The following PAK3 variants were observed in gnomAD, a reference collection of about 807,000 sequenced individuals.
PAK3 encodes serine/threonine-protein kinase PAK 3.
In PAK3, 4 loss-of-function variants were observed where a neutral mutation model predicts 41.0. That is an observed-to-expected ratio of 0.10 (90% confidence interval 0.05 to 0.22). The LOEUF (loss-of-function observed/expected upper bound fraction) is 0.22. Among genes scored for constraint, PAK3 ranks in the 10% least tolerant of loss-of-function variants. PAK3 has a pLI of 1.00. For synonymous variants in PAK3, 146 were observed against 139.6 expected (o/e 1.05, Z -0.32); for missense variants, 205 against 409.9 (o/e 0.50, Z 4.32).
upstream of PAK3, among the ~76,000 whole-genome samples, chrX:111,094,644 C>A (rs2092955122): frequency 9.4e-6 from 1 of 106,322 alleles, no homozygotes; most frequent in Non-Finnish European, 1.9e-5. Context: ...CATTCTTCAA[C>A]TGCCTGAGAT....
chrX:111,209,130 G>T (rs768896990), intron 16 of PAK3, among the ~76,000 whole-genome samples: 1 of 111,362 alleles, frequency 9.0e-6, no homozygotes, highest in East Asian at 2.8e-4. Context: ...TATACACAGT[G>T]TGCTTCACTC....
intron 1 of PAK3, among the ~76,000 whole-genome samples, chrX:111,082,403 C>T (rs2092842221): frequency 9.0e-6 from 1 of 111,729 alleles, no homozygotes; most frequent in African/African-American, 3.3e-5. Flanking sequence ...AAACTTGAGG[C>T]CTAACACTTT....
chrX:111,163,782 T>C, intron 10 of PAK3, 55 bp downstream of exon 10: 1 of 947,838 alleles, frequency 1.1e-6, no homozygotes, highest in Non-Finnish European at 1.5e-6. Flanking sequence ...TCATAAGCCA[T>C]TTAAAATGGG....
Position 111,019,231 on chromosome X carries a change from A to T in PAK3, c.-28+74603A>T, listed in dbSNP as rs2092135843. On this transcript the variant is annotated intron_variant, in intron 1 of 14. Coordinates refer to the PAK3 transcript ENST00000425146. ...CATCAAAAGCATAGGCAACAAAAAA[A>T]TGGATAAGTTGGATGTCATTAAAAT... Among the ~76,000 whole-genome samples, 3 of 111,745 alleles carry T rather than the reference A, an allele frequency of 2.7e-5. No homozygotes were observed. In the South Asian group the frequency reaches 1.1e-3, roughly 43 times the overall value.
At chrX:111,135,650 A>G (rs1480227345) in intron 5 of PAK3, among the ~76,000 whole-genome samples, 1 of 111,637 alleles carries the variant, frequency 9.0e-6, no homozygotes, top group African/African-American at 3.3e-5. Context: ...GTTAGCTTCA[A>G]GAAGTTCGTG....
At chrX:111,032,109 A>G (rs1186053537) in intron 1 of PAK3, among the ~76,000 whole-genome samples, 2 of 112,017 alleles carry the variant, frequency 1.8e-5, no homozygotes, top group Non-Finnish European at 3.8e-5. Context: ...ATTTAAAGAC[A>G]CTGTTTTGAG....
chrX:111,005,304 T>A (rs2091906294), intron 1 of PAK3, among the ~76,000 whole-genome samples: 1 of 111,509 alleles, frequency 9.0e-6, no homozygotes, highest in Non-Finnish European at 1.9e-5. Flanking sequence ...CCCAACAGAC[T>A]GAATGTCATG....
chrX:111,215,621 C>T (rs2094871368), intron 16 of PAK3, among the ~76,000 whole-genome samples: 1 of 112,205 alleles, frequency 8.9e-6, no homozygotes, highest in African/African-American at 3.2e-5. Flanking sequence ...AGACTAGAGA[C>T]ATTGATTCTC....
intron 1 of PAK3, among the ~76,000 whole-genome samples, chrX:111,076,514 A>T (rs2092787158): frequency 8.9e-6 from 1 of 111,850 alleles, no homozygotes; most frequent in Non-Finnish European, 1.9e-5. Context: ...CCATGATTGT[A>T]AGCTTCCTGA....
intron 1 of PAK3, among the ~76,000 whole-genome samples, chrX:110,993,505 C>T (rs2091686289): frequency 9.0e-6 from 1 of 111,675 alleles, no homozygotes; most frequent in Non-Finnish European, 1.9e-5. Context: ...TCTGTATCAC[C>T]TAAGTTATTA....
chrX:111,172,843 T>G (rs887278990), intron 10 of PAK3, among the ~76,000 whole-genome samples, 175 bp from the exon 11 acceptor site: 3 of 111,596 alleles, frequency 2.7e-5, no homozygotes, highest in Non-Finnish European at 5.7e-5. Flanking sequence ...GTATCATTTT[T>G]ATGTAAATTA....
chrX:111,086,996 T>C (rs1489631941), intron 1 of PAK3, among the ~76,000 whole-genome samples: 2 of 111,126 alleles, frequency 1.8e-5, no homozygotes, highest in Non-Finnish European at 3.8e-5. Context: ...CGTACTCTCC[T>C]AGCAGGCTGT....
chrX:111,130,212 T>C (rs2093698891), intron 5 of PAK3, among the ~76,000 whole-genome samples: 1 of 111,867 alleles, frequency 8.9e-6, no homozygotes, highest in African/African-American at 3.2e-5. Context: ...GCTAGCTGTT[T>C]GCATGTGTGA....
At chrX:111,161,125 C>T (rs1286686250) in intron 8 of PAK3, among the ~76,000 whole-genome samples, 2 of 111,533 alleles carry the variant, frequency 1.8e-5, no homozygotes, top group African/African-American at 6.5e-5. Context: ...TCTCCAGCAC[C>T]TGTTGTTTCC....
intron 1 of PAK3, among the ~76,000 whole-genome samples, chrX:110,977,717 A>G: frequency 8.9e-6 from 1 of 112,094 alleles, no homozygotes; most frequent in Non-Finnish European, 1.9e-5. Context: ...GCTACTGTAT[A>G]CAAATAAAAT....
chrX:111,202,304 A>G (rs926695138), intron 16 of PAK3, among the ~76,000 whole-genome samples: 3 of 111,597 alleles, frequency 2.7e-5, no homozygotes, highest in Admixed American at 9.5e-5. Flanking sequence ...ATGCCTTTTA[A>G]AGGTCAGAGA....
At chrX:111,019,072 T>C (rs916554590) in intron 1 of PAK3, among the ~76,000 whole-genome samples, 8 of 111,173 alleles carry the variant, frequency 7.2e-5, no homozygotes, top group South Asian at 3.8e-4. Context: ...GCCTTTACCT[T>C]ACACCATATA....
chrX:111,053,124 CCTT>C (rs1416402533), intron 1 of PAK3, among the ~76,000 whole-genome samples: 2 of 111,420 alleles, frequency 1.8e-5, no homozygotes, highest in African/African-American at 6.5e-5. Context: ...TGAAGCCAGG[CCTT>C]CTTGTATTTT....
At chrX:111,207,734 A>T (rs1174521082) in intron 16 of PAK3, among the ~76,000 whole-genome samples, 2 of 112,040 alleles carry the variant, frequency 1.8e-5, no homozygotes, top group Non-Finnish European at 3.8e-5. Flanking sequence ...GGTATTGATG[A>T]TCCTGACGCT....
Sources: gnomAD v4.1 joint callset for allele counts (sites outside exome capture counted in the v4.1 genomes callset) on GRCh38, gnomAD v4.1.1 for gene constraint, MANE v1.5 for transcripts, NCBI Gene and HGNC (gene_info 2026-07-23, HGNC 2026-07-21) for gene names.